ACSM3: variants seen among roughly 807,000 people sequenced by gnomAD.
ACSM3 encodes acyl-coenzyme A synthetase ACSM3, mitochondrial.
In ACSM3, 61 loss-of-function variants were observed where a neutral mutation model predicts 74.1. The observed-to-expected ratio is 0.82, with a 90% CI of 0.67 to 1.02. The LOEUF is 1.02. Ranked by LOEUF, ACSM3 falls within the 50% of genes least tolerant of loss-of-function variation. The pLI is 0.00. For synonymous variants in ACSM3, 213 were observed against 241.5 expected (o/e 0.88, Z 1.09); for missense variants, 660 against 697.0 (o/e 0.95, Z 0.60).
At chr16:20,722,240 T>C (rs2079788342) in intron 1 of ACSM3, 1 of 152,198 alleles carries the variant, frequency 6.6e-6, no homozygotes, top group Admixed American at 6.5e-5. Flanking sequence ...TTGGTAAGAT[T>C]AAGGGGACTA....
intron 1 of ACSM3, chr16:20,691,012 C>T (rs1182399414): frequency 6.2e-7 from 1 of 1,609,840 alleles, no homozygotes; most frequent in Non-Finnish European, 8.5e-7. Context: ...CCTTTTGAGC[C>T]CAGTAGTCCA....
chr16:20,729,371 C>G lies in ACSM3; in HGVS notation c.-189-20539C>G, dbSNP rs953350055. 5 of 1,364,388 alleles carry G rather than the reference C, an allele frequency of 3.7e-6. No individual in the cohort carries two copies. In the Admixed American group the frequency reaches 6.8e-5, roughly 18 times the overall value. 84.5% of individuals were successfully genotyped at this position (1,364,388 alleles called of 1,614,324 possible). ...TATTTCCTCTGGGTTTGTAGATTTG[C>G]CACTCTTAAGAGGCAAGGATTGACA... On this transcript the variant is annotated intron_variant, in intron 1 of 3. Coordinates refer to the ACSM3 transcript ENST00000561584.
intron 1 of ACSM3, chr16:20,691,115 G>A (rs1041822271): frequency 1.2e-6 from 2 of 1,613,676 alleles, no homozygotes; most frequent in Non-Finnish European, 8.5e-7. Context: ...GCGCAGCTGT[G>A]AAGGGGCAGG....
intron 1 of ACSM3, among the ~76,000 whole-genome samples, chr16:20,718,108 GAGA>G (rs1043937989): frequency 3.3e-5 from 5 of 151,642 alleles, no homozygotes; most frequent in Non-Finnish European, 4.4e-5. Context: ...GAAGGAAAAG[GAGA>G]AGAAGAAGAA....
At chr16:20,676,956 T>A (rs1001306552) in intron 1 of ACSM3, among the ~76,000 whole-genome samples, 3 of 151,942 alleles carry the variant, frequency 2.0e-5, no homozygotes, top group African/African-American at 7.3e-5. Context: ...ACATAAAGTG[T>A]CAGAAAAAAG....
Position 20,714,994 on chromosome 16 carries a change from AAGAT to A in ACSM3, c.-189-34905_-189-34902del, listed in dbSNP as rs757253606. Among the ~76,000 whole-genome samples the A allele has an allele frequency of 1.7e-4, 15 of 88,574 alleles. No homozygotes were observed. The East Asian group carries it at 2.0e-3, about 12-fold the overall frequency. 58.1% of individuals were successfully genotyped at this position (88,574 alleles called of 152,430 possible). On this transcript the variant is annotated intron_variant, in intron 1 of 3. Transcript: ENST00000561584. ...GATAGACAGACAGATGGATAGACGA[AAGAT>A]AGATAGATAGGTAGATAGATGGATG...
chr16:20,794,473 T>C (rs1596543248), intron 12 of ACSM3, among the ~76,000 whole-genome samples: 1 of 152,206 alleles, frequency 6.6e-6, no homozygotes, highest in South Asian at 2.1e-4. Context: ...TGACTGAGAG[T>C]ATTTAATCTT....
At chr16:20,755,054 C>G (rs2080018282) in intron 2 of ACSM3, among the ~76,000 whole-genome samples, 1 of 152,114 alleles carries the variant, frequency 6.6e-6, no homozygotes, top group Admixed American at 6.6e-5. Context: ...AGCTGGAACT[C>G]TAGTCCCCAC....
chr16:20,712,694 T>C (rs2079747717), intron 1 of ACSM3, among the ~76,000 whole-genome samples: 1 of 150,778 alleles, frequency 6.6e-6, no homozygotes, highest in Admixed American at 6.6e-5. Flanking sequence ...TCACCTGAGG[T>C]CAGGAGTTTG....
chr16:20,730,442 T>C lies in ACSM3; in HGVS notation c.-189-19468T>C, dbSNP rs574490661. ...ATTCTAGGAAGAAGCCCAATTTTCC[T>C]AATTTCCTTTCCTCATGGAAGTTTC... On this transcript the variant is annotated intron_variant, in intron 1 of 3. Transcript: ENST00000561584. Among the ~76,000 whole-genome samples, 3 of 152,310 alleles carry C rather than the reference T, an allele frequency of 2.0e-5. No homozygotes were observed. In the South Asian group the frequency reaches 6.2e-4, roughly 32 times the overall value.
chr16:20,751,881 C>T lies in ACSM3; in HGVS notation c.-96+1878C>T, dbSNP rs193148010. ...TTCTAGGTATAGTCAAACAACTTGG[C>T]ATTAAAACAAAAGGACATTAACCTT... On this transcript the variant is annotated intron_variant, in intron 2 of 3. Transcript: ENST00000561584. 3.3e-4 allele frequency among the ~76,000 whole-genome samples: 51 copies of T among 152,252 alleles called. 2 individuals carry two copies. In the South Asian group the frequency reaches 3.9e-3, roughly 12 times the overall value.
intron 10 of ACSM3, among the ~76,000 whole-genome samples, chr16:20,791,718 G>A (rs1343096051): frequency 1.3e-5 from 2 of 152,126 alleles, no homozygotes; most frequent in Admixed American, 6.5e-5. Flanking sequence ...CTTGAGGTAA[G>A]GAGCTCGACA....
At chr16:20,695,109 G>GATTCTA (rs149811970) in intron 1 of ACSM3, among the ~76,000 whole-genome samples, 3,063 of 152,258 alleles carry the variant, frequency 0.02, 111 homozygotes, top group African/African-American at 0.069. Flanking sequence ...ATGTGTTTGT[G>GATTCTA]ATTCTAATTT....
At position 20,790,501 on chromosome 16, in the gene ACSM3, A is replaced by C; in HGVS notation, c.1225-86A>C. On this transcript the variant is annotated intron_variant, in intron 9 of 13. Coordinates refer to ENST00000289416, the MANE Select transcript of ACSM3 (RefSeq NM_005622.4). This position sits in a 1 kb window ranked among gnomAD's most constrained non-coding sequence, Gnocchi z 4.0. ...TAAGTCTTCATTTTTAAATGGCAAAAGCCAAAATAAAACTTGCAAAGTTAA... is the reference window on the plus strand; with the variant it reads ...TAAGTCTTCATTTTTAAATGGCAAACGCCAAAATAAAACTTGCAAAGTTAA... The C allele has an allele frequency of 7.4e-7, 1 of 1,359,558 alleles. No individual in the cohort carries two copies. 84.2% of individuals were successfully genotyped at this position (1,359,558 alleles called of 1,614,324 possible). A position where few individuals can be genotyped will look rare whatever the true frequency, so the allele number is the denominator to read the frequency against.
chr16:20,772,033 T>G (rs2080199703), intron 2 of ACSM3, among the ~76,000 whole-genome samples: 2 of 152,246 alleles, frequency 1.3e-5, no homozygotes, highest in South Asian at 4.1e-4. Context: ...TTAGTATGTC[T>G]TTTGAGAAAT....
intron 1 of ACSM3, among the ~76,000 whole-genome samples, chr16:20,717,876 G>A (rs1412038937): frequency 6.7e-6 from 1 of 150,328 alleles, no homozygotes; most frequent in East Asian, 1.9e-4. Flanking sequence ...AGAAGAAGGA[G>A]AAGGAGAAGG....
chr16:20,691,596 C>A (rs998113866), intron 1 of ACSM3, among the ~76,000 whole-genome samples: 1 of 152,074 alleles, frequency 6.6e-6, no homozygotes, highest in African/African-American at 2.4e-5. Context: ...ACTTTAGAAA[C>A]TTCCCTTTCT....
intron 1 of ACSM3, among the ~76,000 whole-genome samples, chr16:20,723,261 A>G (rs2152395886): frequency 6.6e-6 from 1 of 152,006 alleles, no homozygotes; most frequent in East Asian, 1.9e-4. Context: ...TATGTGCCAC[A>G]TTTTCTTAAT....
At chr16:20,725,295 G>T in intron 1 of ACSM3, 1 of 188,960 alleles carries the variant, frequency 5.3e-6, no homozygotes. Context: ...ACAGGGTGTA[G>T]ATATCAGCTC....
Sources: gnomAD v4.1 joint callset for allele counts (sites outside exome capture counted in the v4.1 genomes callset) on GRCh38, gnomAD v4.1.1 for gene constraint, Gnocchi (gnomAD v3.1) non-coding constraint, MANE v1.5 for transcripts, NCBI Gene and HGNC (gene_info 2026-07-23, HGNC 2026-07-21) for gene names.